ZFR2: variants seen among roughly 807,000 people sequenced by gnomAD.
ZFR2 encodes zinc finger RNA-binding protein 2.
Under a neutral mutation model 105.7 loss-of-function variants are expected in ZFR2, and 104 were observed. The observed-to-expected ratio is 0.98, with a 90% confidence interval of 0.84 to 1.16. The LOEUF (loss-of-function observed/expected upper bound fraction) is 1.16, where lower values mean the gene tolerates loss of function less well. Ranked by LOEUF, ZFR2 falls within the 50% of genes most tolerant of loss-of-function variation. The pLI is 0.00. For synonymous variants in ZFR2, 634 were observed against 597.7 expected (o/e 1.06, Z -0.89); for missense variants, 1,425 against 1,355.5 (o/e 1.05, Z -0.80).
chr19:3,822,061 G>A lies in ZFR2; in HGVS notation c.1491+20C>T, dbSNP rs1568421442. ...TAGCACAGCCCGGACGGGTGTCGGA[G>A]CTCCCCCTGCTGGACGCACCCGGTA... is the stretch of plus-strand genomic sequence containing the variant. On this transcript the variant is annotated intron_variant, in intron 9 of 18. Coordinates refer to ENST00000262961, the MANE Select transcript of ZFR2 (RefSeq NM_015174.2). 1 of 1,579,868 alleles carries A rather than the reference G, an allele frequency of 6.3e-7. No homozygotes were observed. The highest frequency in any genetic ancestry group is 8.6e-7 in the Non-Finnish European group (1 of 1,164,674).
intron 1 of ZFR2, among the ~76,000 whole-genome samples, chr19:3,866,874 G>C (rs1432212214): frequency 2.0e-5 from 3 of 152,154 alleles, no homozygotes; most frequent in South Asian, 2.1e-4. Context: ...GAAATCAGCA[G>C]GTCATAGATT....
rs201730627 is a variant in ZFR2, at chr19:3,813,945, T to C, written c.2117A>G (p.Asp706Gly). 2.5e-4 allele frequency: 400 copies of C among 1,613,666 alleles called. No homozygotes were observed. The highest frequency in any genetic ancestry group is 3.0e-4 in the Non-Finnish European group (354 of 1,179,824). ...LPRQLQMVTEDEYEVSSDPEA... is the reference protein window; with the variant it reads ...LPRQLQMVTEGEYEVSSDPEA... ...AGGGTCGGAGGAGACCTCATACTCA[T>C]CCTCGGTCACCATCTGGGAGGGGTA... Residue 706 changes from aspartate (D) to glycine (G), a missense_variant, in exon 14 of 19, where the codon GAT becomes GGT. Coordinates refer to ENST00000262961, the MANE Select transcript of ZFR2 (RefSeq NM_015174.2). The surrounding 1 kb of genome is among the most constrained non-coding windows in gnomAD (Gnocchi z 4.4).
At position 3,816,812 on chromosome 19, in the gene ZFR2, G is replaced by A. The variant is rs776213169; in HGVS notation, c.1965C>T (p.Gly655=). ...SVAPQTRVLK[G]VMRVGILAKG... ...TCGCCAGGATGCCTACTCGCATGAC[G>A]CCTTTCAGGACCCGAGTCTGGGGGG... Residue 655 remains glycine (G), a synonymous_variant, in exon 13 of 19, where the codon GGC becomes GGT. Coordinates refer to ENST00000262961, the MANE Select transcript of ZFR2 (RefSeq NM_015174.2). 1.7e-5 allele frequency: 27 copies of A among 1,581,992 alleles called. No homozygotes were observed. In the East Asian group the frequency reaches 5.1e-4, roughly 30 times the overall value.
intron 12 of ZFR2, among the ~76,000 whole-genome samples, chr19:3,818,143 T>C (rs1344791215): frequency 6.6e-6 from 1 of 152,284 alleles, no homozygotes; most frequent in African/African-American, 2.4e-5. Flanking sequence ...CAGGTTAAAA[T>C]GCTCAGTGTT....
chr19:3,861,392 C>T (rs1027722681), intron 1 of ZFR2, among the ~76,000 whole-genome samples: 13 of 152,066 alleles, frequency 8.5e-5, no homozygotes, highest in Non-Finnish European at 1.6e-4. Flanking sequence ...TTTGGGAGGC[C>T]GAGGCAGGTG....
Position 3,858,052 on chromosome 19 carries a change from G to C in ZFR2, c.53+10913C>G, listed in dbSNP as rs897443291. Reference sequence around the variant, plus strand: ...CGGAGAATTTGTTTTGGGAAGTCAAGCTTTTTCAGGTGCATCCTTCTAAAC... The same window carrying C: ...CGGAGAATTTGTTTTGGGAAGTCAACCTTTTTCAGGTGCATCCTTCTAAAC... On this transcript the variant is annotated intron_variant, in intron 1 of 18. Transcript: ENST00000262961. The surrounding 1 kb of genome is among the most constrained non-coding windows in gnomAD (Gnocchi z 4.3). Among the ~76,000 whole-genome samples the C allele has an allele frequency of 7.2e-5, 11 of 152,196 alleles. No homozygotes were observed. Among genetic ancestry groups the C allele is most frequent in the African/African-American group, 2.4e-4 (10 of 41,454 alleles).
intron 5 of ZFR2, among the ~76,000 whole-genome samples, chr19:3,828,440 T>C (rs148568193): frequency 1.0e-3 from 158 of 152,242 alleles, no homozygotes; most frequent in African/African-American, 3.7e-3. Flanking sequence ...CACACATTCC[T>C]TTTGGGGGCT....
intron 1 of ZFR2, among the ~76,000 whole-genome samples, chr19:3,867,257 C>T (rs555681212): frequency 6.6e-6 from 1 of 151,284 alleles, no homozygotes; most frequent in East Asian, 1.9e-4. Context: ...TAGCAAGCTA[C>T]CAGCTGGAAA....
chr19:3,856,102 G>A (rs776056633), intron 1 of ZFR2, among the ~76,000 whole-genome samples: 3 of 152,212 alleles, frequency 2.0e-5, no homozygotes, highest in East Asian at 1.9e-4. Flanking sequence ...GAGGCGGTGC[G>A]CGTGCAGGGG....
At chr19:3,846,986 G>C (rs2038190964) in intron 1 of ZFR2, among the ~76,000 whole-genome samples, 1 of 152,240 alleles carries the variant, frequency 6.6e-6, no homozygotes, top group Non-Finnish European at 1.5e-5. Context: ...GCCAATGAGA[G>C]GTCAGCGGCG....
intron 1 of ZFR2, among the ~76,000 whole-genome samples, chr19:3,839,731 T>G (rs2038116998): frequency 5.3e-5 from 8 of 152,094 alleles, no homozygotes; most frequent in Admixed American, 5.2e-4. Context: ...CAGAGCTTAT[T>G]GTTTAAATAC....
At chr19:3,852,635 T>A (rs1395845747) in intron 1 of ZFR2, 2 of 717,140 alleles carry the variant, frequency 2.8e-6, no homozygotes, top group Non-Finnish European at 5.2e-6. Flanking sequence ...AGCAAGGACA[T>A]GGTGGGAAGG....
rs183160786 is a variant in ZFR2 at position 3,825,247 on chromosome 19, G to A, written c.1196C>T (p.Ser399Leu). 163 of 1,546,292 alleles carry A rather than the reference G, an allele frequency of 1.1e-4. No homozygotes were observed. The East Asian group carries it at 3.3e-3, about 31-fold the overall frequency. Residue 399 changes from serine (S) to leucine (L), a missense_variant, in exon 7 of 19, where the codon TCG (serine) becomes TTG (leucine). Transcript: ENST00000262961. ...RPALAKRPVA[S>L]KALCEGPPEP... Reference sequence around the variant, plus strand: ...ACACGTACCCTCGCATAAGGCCTTCGAGGCCACGGGTCTCTTGGCCAGCGC... The same window carrying A: ...ACACGTACCCTCGCATAAGGCCTTCAAGGCCACGGGTCTCTTGGCCAGCGC...
chr19:3,831,295 CGACT>C lies in ZFR2; in HGVS notation c.852+4_852+7del. 6.6e-7 allele frequency: 1 copy of C among 1,512,864 alleles called. No individual in the cohort carries two copies. Among genetic ancestry groups the C allele is most frequent in the South Asian group, 1.3e-5 (1 of 78,936 alleles). The allele number at this position is 1,512,864 out of a possible 1,614,324, so 93.7% of individuals were successfully genotyped here. A position where few individuals can be genotyped will look rare whatever the true frequency, so the allele number is the denominator to read the frequency against. The stretch of plus-strand genomic sequence containing the variant: ...CTGGGGCCTGCCCATGGCAGGAGGG[CGACT>C]GACCTGGGGGCCAGCGCAGCTGATC... On this transcript the variant is annotated splice_donor_5th_base_variant and intron_variant, in intron 5 of 18. Coordinates refer to ENST00000262961, the MANE Select transcript of ZFR2 (RefSeq NM_015174.2).
chr19:3,843,262 G>C (rs1299356343), intron 1 of ZFR2, among the ~76,000 whole-genome samples: 5 of 151,740 alleles, frequency 3.3e-5, no homozygotes, highest in South Asian at 4.2e-4. Context: ...CTTGAGGTCA[G>C]GAGGTCGGGA....
At chr19:3,807,597 G>A (rs1306114227) in intron 17 of ZFR2, among the ~76,000 whole-genome samples, 2 of 115,462 alleles carry the variant, frequency 1.7e-5, no homozygotes, top group Admixed American at 1.2e-4. Flanking sequence ...GTGTGTCCGT[G>A]TGTGCACGTG....
chr19:3,807,062 T>C (rs2037704389), intron 18 of ZFR2, 110 bp downstream of exon 18: 1 of 802,740 alleles, frequency 1.2e-6, no homozygotes, highest in East Asian at 2.7e-5. Flanking sequence ...CCTGTACATC[T>C]CAGTGGGAGG....
At chr19:3,821,154 C>G (rs1294619071) in intron 10 of ZFR2, among the ~76,000 whole-genome samples, 186 bp downstream of exon 10, 1 of 152,100 alleles carries the variant, frequency 6.6e-6, no homozygotes, top group Non-Finnish European at 1.5e-5. Flanking sequence ...TGCCCTTGCC[C>G]GTCTGCTCTG....
Position 3,816,848 on chromosome 19 carries a change from G to A in ZFR2, c.1932-3C>T, listed in dbSNP as rs943959876. ...CCCGAGTCTGGGGGGCAACGCTGCTGTGGGGACAAAGCCACAGACGTGCGC... is the reference window on the plus strand; with the variant it reads ...CCCGAGTCTGGGGGGCAACGCTGCTATGGGGACAAAGCCACAGACGTGCGC... On this transcript the variant is annotated splice_polypyrimidine_tract_variant and splice_region_variant and intron_variant, in intron 12 of 18. Transcript: ENST00000262961. 3.2e-6 allele frequency: 5 copies of A among 1,555,502 alleles called. No individual in the cohort carries two copies. The highest frequency in any genetic ancestry group is 1.4e-5 in the African/African-American group (1 of 73,384).
Sources: allele counts gnomAD v4.1 joint callset (sites outside exome capture counted in the v4.1 genomes callset), GRCh38; gene constraint gnomAD v4.1.1; non-coding constraint Gnocchi (gnomAD v3.1); transcripts MANE v1.5; gene names NCBI Gene and HGNC (gene_info 2026-07-23, HGNC 2026-07-21).